Variants in RCBTB1 observed in about 807,000 individuals in gnomAD.
RCBTB1 encodes the protein RCC1 and BTB domain-containing protein 1.
A neutral mutation model predicts 62.4 loss-of-function variants in RCBTB1; 46 were observed. That is an observed-to-expected ratio of 0.74 (90% CI 0.58 to 0.94). The LOEUF is 0.94. Ranked by LOEUF, RCBTB1 falls within the 40% of genes least tolerant of loss-of-function variation. The pLI is 0.00. For missense variants in RCBTB1, 565 were observed against 654.9 expected, an observed-to-expected ratio of 0.86 and a Z score of 1.50; for synonymous variants, 222 against 245.8, an observed-to-expected ratio of 0.90 and a Z score of 0.91.
chr13:49,554,886 T>G (rs1961714187), intron 6 of RCBTB1, among the ~76,000 whole-genome samples: 1 of 152,194 alleles, frequency 6.6e-6, no homozygotes, highest in Non-Finnish European at 1.5e-5. Context: ...AAAACATCTG[T>G]GTCCAGGGTA....
chr13:49,565,356 G>A (rs58015266), intron 4 of RCBTB1, among the ~76,000 whole-genome samples: 174 of 152,140 alleles, frequency 1.1e-3, no homozygotes, highest in African/African-American at 4.0e-3. Context: ...GTGTGATCTC[G>A]GCTAGCTACG....
rs377736935 is a variant in RCBTB1, at chr13:49,543,059, T to C, written c.1173-1232A>G. 3.3e-5 allele frequency among the ~76,000 whole-genome samples: 5 copies of C among 152,330 alleles called. No individual in the cohort carries two copies. In the South Asian group the frequency reaches 1.0e-3, roughly 32 times the overall value. ...GCCTCAATCACCTGAGGTCAGGAGT[T>C]TGAGACCGGCCTGGCCAACATGGCG... On this transcript the variant is annotated intron_variant, in intron 10 of 12. Transcript: ENST00000378302.
chr13:49,559,520 G>C (rs57884356), intron 5 of RCBTB1, among the ~76,000 whole-genome samples: 3,457 of 152,176 alleles, frequency 0.023, 146 homozygotes, highest in African/African-American at 0.077. Context: ...GGCGGGTGTG[G>C]TGGTGGGTGC....
At chr13:49,550,304 C>A in intron 8 of RCBTB1, 1 of 286,358 alleles carries the variant, frequency 3.5e-6, no homozygotes, top group Non-Finnish European at 5.3e-6. Flanking sequence ...GTAACTTTTT[C>A]TCTCATCTCC....
chr13:49,551,726 C>G (rs1368418385), intron 7 of RCBTB1, among the ~76,000 whole-genome samples: 3 of 152,066 alleles, frequency 2.0e-5, no homozygotes, highest in Non-Finnish European at 4.4e-5. Flanking sequence ...CGGTGAAACC[C>G]CGTCTCTACT....
intron 9 of RCBTB1, 116 bp from the exon 10 acceptor site, chr13:49,544,979 A>G (rs771986405): frequency 9.8e-6 from 8 of 815,144 alleles, no homozygotes; most frequent in Non-Finnish European, 1.5e-5. Context: ...TTTTTTTTCA[A>G]GAGTTCATAC....
intron 6 of RCBTB1, among the ~76,000 whole-genome samples, chr13:49,554,412 A>T (rs923491869): frequency 1.7e-4 from 26 of 152,226 alleles, no homozygotes; most frequent in Non-Finnish European, 3.4e-4. Flanking sequence ...ATCCCAAGGA[A>T]TTCTGAAGTC....
rs1286826839 is a variant in RCBTB1 at position 49,533,176 on chromosome 13, A to G, written c.*946T>C. ...TCTTGTAAGAGGGTTGACTTGAAGAACCACTTCTTCCAGTCATATATAGTA... is the reference window on the plus strand; with the variant it reads ...TCTTGTAAGAGGGTTGACTTGAAGAGCCACTTCTTCCAGTCATATATAGTA... On this transcript the variant is annotated 3_prime_UTR_variant, in exon 13 of 13. Transcript: ENST00000378302. 6.6e-6 allele frequency: 1 copy of G among 152,204 alleles called. No homozygotes were observed. Among genetic ancestry groups the G allele is most frequent in the Non-Finnish European group, 1.5e-5 (1 of 68,032 alleles). 9.4% of individuals were successfully genotyped at this position (152,204 alleles called of 1,614,324 possible).
rs1344561930 is a variant in RCBTB1, at chr13:49,533,721, C to T, written c.*401G>A. The T allele has an allele frequency of 6.5e-6, 1 of 154,858 alleles. No homozygotes were observed. 9.6% of individuals were successfully genotyped at this position (154,858 alleles called of 1,614,324 possible). A position where few individuals can be genotyped will look rare whatever the true frequency, so the allele number is the denominator to read the frequency against. Reference sequence around the variant, plus strand: ...CGATGGGGCCTCTCCATTCATCTCACAATTCCCCAACTATCACTGCTCCTG... The same window carrying T: ...CGATGGGGCCTCTCCATTCATCTCATAATTCCCCAACTATCACTGCTCCTG... On this transcript the variant is annotated 3_prime_UTR_variant, in exon 13 of 13. Transcript: ENST00000378302.
chr13:49,550,576 G>T, intron 8 of RCBTB1: 1 of 276,092 alleles, frequency 3.6e-6, no homozygotes, highest in Non-Finnish European at 5.6e-6. Context: ...GTCCTTTCAA[G>T]AGCAGATTTA....
intron 2 of RCBTB1, 56 bp from the exon 3 acceptor site, chr13:49,567,376 CA>C (rs1039457572): frequency 1.2e-4 from 163 of 1,309,278 alleles, no homozygotes; most frequent in South Asian, 1.4e-4. Flanking sequence ...AGCTAACTTT[CA>C]AAAAAAAGAC....
intron 9 of RCBTB1, chr13:49,547,114 C>G (rs1566223461): frequency 7.8e-7 from 1 of 1,283,222 alleles, no homozygotes; most frequent in Non-Finnish European, 1.0e-6. Flanking sequence ...CATACATGTG[C>G]AATTCTGGCC....
In RCBTB1 at chr13:49,558,679, G is replaced by C. The variant is rs189883922; in HGVS notation, c.444+1239C>G. Among the ~76,000 whole-genome samples, 378 of 128,496 alleles carry C rather than the reference G, an allele frequency of 2.9e-3. 1 individual carries two copies. Among genetic ancestry groups the C allele is most frequent in the African/African-American group, 0.012 (363 of 30,294 alleles). The allele number at this position is 128,496 out of a possible 152,430, so 84.3% of individuals were successfully genotyped here. On this transcript the variant is annotated intron_variant, in intron 5 of 12. Transcript: ENST00000378302. Reference sequence around the variant, plus strand: ...ATTGCACTCCAGCCTGGGCAAGAAGGGTGAAACTCTGTCTCCAAAAAAAAA... The same window carrying C: ...ATTGCACTCCAGCCTGGGCAAGAAGCGTGAAACTCTGTCTCCAAAAAAAAA...
intron 2 of RCBTB1, among the ~76,000 whole-genome samples, chr13:49,567,825 G>A (rs1394725394): frequency 6.6e-6 from 1 of 152,192 alleles, no homozygotes; most frequent in East Asian, 1.9e-4. Flanking sequence ...ATTAAACGCC[G>A]TCAAATCAGG....
intron 5 of RCBTB1, among the ~76,000 whole-genome samples, chr13:49,556,983 G>A (rs1300732094): frequency 6.6e-6 from 1 of 152,116 alleles, no homozygotes; most frequent in East Asian, 1.9e-4. Context: ...AAAAACTGGG[G>A]CTATAGTTCC....
intron 2 of RCBTB1, among the ~76,000 whole-genome samples, chr13:49,574,487 A>T (rs1373189646): frequency 6.6e-6 from 1 of 152,230 alleles, no homozygotes; most frequent in East Asian, 1.9e-4. Flanking sequence ...TGAAAATAAA[A>T]GTTCAATTAT....
At chr13:49,551,839 G>A (rs1290549624) in intron 7 of RCBTB1, among the ~76,000 whole-genome samples, 1 of 148,990 alleles carries the variant, frequency 6.7e-6, no homozygotes, top group Non-Finnish European at 1.5e-5. Flanking sequence ...GGCGGAGCTT[G>A]CAGAGAGCTG....
At chr13:49,553,725 G>A (rs943554238) in intron 6 of RCBTB1, among the ~76,000 whole-genome samples, 1 of 152,172 alleles carries the variant, frequency 6.6e-6, no homozygotes, top group Non-Finnish European at 1.5e-5. Flanking sequence ...GAGCGGAAAG[G>A]GGGAATGGAC....
Position 49,552,221 on chromosome 13 carries a change from G to T in RCBTB1, c.668C>A (p.Thr223Asn). The T allele has an allele frequency of 6.3e-7, 1 of 1,596,522 alleles. No individual in the cohort carries two copies. Among genetic ancestry groups the T allele is most frequent in the African/African-American group, 1.3e-5 (1 of 74,832 alleles). ...GTGCAAAGCTGCCACTCTCACAGGG[G>T]TCAGCTGGTTGCCATTGTTTCCCAG... ...LGLGNNGNQL[T>N]PVRVAALHSV... Residue 223 changes from threonine to asparagine, a missense_variant, in exon 7 of 13, where the codon ACC becomes AAC. Transcript: ENST00000378302.
Sources: gnomAD v4.1 joint callset for allele counts (sites outside exome capture counted in the v4.1 genomes callset) on GRCh38, gnomAD v4.1.1 for gene constraint, MANE v1.5 for transcripts, NCBI Gene and HGNC (gene_info 2026-07-23, HGNC 2026-07-21) for gene names.